CCNG1: variants seen among roughly 807,000 people sequenced by gnomAD.
The protein encoded by CCNG1 is cyclin G1, also known as cyclin-G1.
CCNG1 carries 13 observed loss-of-function variants against 30.0 expected under a neutral mutation model. The ratio of observed to expected loss-of-function variants is 0.43; its 90% CI spans 0.28 to 0.69. CCNG1 has a LOEUF of 0.69. Ranked by LOEUF, CCNG1 falls within the 30% of genes least tolerant of loss-of-function variation. CCNG1 has a pLI of 0.16. For synonymous variants in CCNG1, 110 were observed against 121.5 expected (o/e 0.91, Z 0.62); for missense variants, 285 against 331.4 (o/e 0.86, Z 1.09).
chr5:163,441,108 C>T lies in CCNG1; in HGVS notation c.295C>T (p.Leu99=), dbSNP rs1301861596. Residue 99 remains leucine, a synonymous_variant, in exon 3 of 7, where the codon CTG becomes TTG. Coordinates refer to ENST00000340828, the MANE Select transcript of CCNG1 (RefSeq NM_004060.4). ...VQPKHLGCVG[L]SCFYLAVKSI... ...GCCCAAGCACCTTGGGTGTGTTGGA[C>T]TGAGCTGCTTTTATTTGGCTGTAAA... 1 of 1,613,860 alleles carries T rather than the reference C, an allele frequency of 6.2e-7. No homozygotes were observed. Among genetic ancestry groups the T allele is most frequent in the East Asian group, 2.2e-5 (1 of 44,864 alleles).
intron 2 of CCNG1, 85 bp from the exon 3 acceptor site, chr5:163,440,993 G>T: frequency 7.3e-7 from 1 of 1,361,960 alleles, no homozygotes; most frequent in Non-Finnish European, 1.0e-6. Context: ...TCAAAATGTT[G>T]GGTCGGAGTT....
chr5:163,439,031 A>AC (rs1757655579), intron 1 of CCNG1, among the ~76,000 whole-genome samples: 1 of 151,862 alleles, frequency 6.6e-6, no homozygotes, highest in African/African-American at 2.4e-5. Flanking sequence ...TCTCAAAAAA[A>AC]AAAAAAAAAA....
downstream of CCNG1, chr5:163,449,587 CAAAG>C (rs1758123758): frequency 6.6e-6 from 1 of 151,956 alleles, no homozygotes; most frequent in African/African-American, 2.4e-5. Flanking sequence ...ATATGGAAGG[CAAAG>C]AAACTAAATT....
downstream of CCNG1, chr5:163,446,407 C>G (rs965922635): frequency 2.0e-5 from 3 of 152,192 alleles, no homozygotes; most frequent in African/African-American, 7.2e-5. Flanking sequence ...TGCCCCTGGT[C>G]TATACCTGGT....
chr5:163,455,225 A>G, the CCNG1 span, among the ~76,000 whole-genome samples: 1 of 152,222 alleles, frequency 6.6e-6, no homozygotes, highest in Non-Finnish European at 1.5e-5. Flanking sequence ...GAGCAATGAT[A>G]TGAAAACATA....
intron 6 of CCNG1, 104 bp downstream of exon 6, chr5:163,442,672 G>A: frequency 4.4e-6 from 4 of 913,060 alleles, no homozygotes; most frequent in Non-Finnish European, 6.7e-6. Flanking sequence ...AAATGGAGTT[G>A]GAATAGTAAA....
chr5:163,454,513 G>T, the CCNG1 span, among the ~76,000 whole-genome samples: 4 of 151,974 alleles, frequency 2.6e-5, no homozygotes, highest in Admixed American at 2.6e-4. Context: ...GGCTAATTTT[G>T]TATTTTTAGT....
At chr5:163,455,669 C>G in the CCNG1 span, among the ~76,000 whole-genome samples, 1 of 148,738 alleles carries the variant, frequency 6.7e-6, no homozygotes, top group Admixed American at 6.8e-5. Flanking sequence ...GAGGCTGAGG[C>G]AGGAGACTGG....
chr5:163,457,430 A>G, the CCNG1 span: 3 of 649,270 alleles, frequency 4.6e-6, no homozygotes, highest in African/African-American at 3.7e-5. Context: ...ACTTTGACAT[A>G]CAACGGTTTT....
At chr5:163,439,024 C>CAA (rs5872822) in intron 1 of CCNG1, among the ~76,000 whole-genome samples, 2,238 of 97,124 alleles carry the variant, frequency 0.023, 55 homozygotes, top group African/African-American at 0.048. Flanking sequence ...GACTCCTTCT[C>CAA]AAAAAAAAAA....
At chr5:163,449,133 C>T (rs1758115171), downstream of CCNG1, 9 of 152,124 alleles carry the variant, frequency 5.9e-5, no homozygotes, top group Admixed American at 5.9e-4. Flanking sequence ...AAAACTGTTC[C>T]TATTCGTAGT....
At chr5:163,457,100 A>G in the CCNG1 span, 1 of 1,558,266 alleles carries the variant, frequency 6.4e-7, no homozygotes, top group South Asian at 1.2e-5. Context: ...AAACACACAC[A>G]CACACACGCA....
the CCNG1 span, among the ~76,000 whole-genome samples, chr5:163,456,511 T>G: frequency 6.6e-6 from 1 of 152,044 alleles, no homozygotes; most frequent in Admixed American, 6.6e-5. Flanking sequence ...ATACACACAG[T>G]GTGATCCTCC....
At chr5:163,447,535 C>A (rs1210971899), downstream of CCNG1, 1 of 151,086 alleles carries the variant, frequency 6.6e-6, no homozygotes, top group Non-Finnish European at 1.5e-5. Context: ...CTTAAACATT[C>A]CTCTCTCAGT....
At chr5:163,441,494 A>G (rs1343050772) in intron 3 of CCNG1, among the ~76,000 whole-genome samples, 163 bp downstream of exon 3, 1 of 152,214 alleles carries the variant, frequency 6.6e-6, no homozygotes, top group Non-Finnish European at 1.5e-5. Context: ...AAAATGTTCC[A>G]TTGTCAATAG....
At chr5:163,441,587 GA>G (rs1193407634) in intron 3 of CCNG1, 24 of 481,958 alleles carry the variant, frequency 5.0e-5, no homozygotes, top group South Asian at 1.2e-4. Flanking sequence ...CAAATTTATG[GA>G]AAAAAAGGAC....
At chr5:163,438,091 T>G (rs1386221433) in intron 1 of CCNG1, among the ~76,000 whole-genome samples, 1 of 152,132 alleles carries the variant, frequency 6.6e-6, no homozygotes, top group African/African-American at 2.4e-5. Context: ...ACCTCCTGCC[T>G]TCCTGTCTTT....
At chr5:163,453,998 C>A in the CCNG1 span, 1 of 1,559,206 alleles carries the variant, frequency 6.4e-7, no homozygotes, top group Non-Finnish European at 8.7e-7. Context: ...ATCTGGTCCA[C>A]CTTTAGTGTA....
intron 2 of CCNG1, among the ~76,000 whole-genome samples, chr5:163,440,591 T>C (rs540708635): frequency 6.6e-5 from 10 of 152,270 alleles, no homozygotes; most frequent in African/African-American, 9.6e-5. Flanking sequence ...TAGTAGTGGA[T>C]AGAACTCTTA....
Sources: gnomAD v4.1 joint callset for allele counts (sites outside exome capture counted in the v4.1 genomes callset) on GRCh38, gnomAD v4.1.1 for gene constraint, MANE v1.5 for transcripts, NCBI Gene and HGNC (gene_info 2026-07-23, HGNC 2026-07-21) for gene names.